Variants in SGCD observed in about 807,000 individuals in gnomAD.
SGCD encodes the protein sarcoglycan delta, also known as delta-sarcoglycan.
Under a neutral mutation model 36.6 loss-of-function variants are expected in SGCD, and 18 were observed. The observed-to-expected ratio is 0.49, with a 90% CI of 0.34 to 0.73. The LOEUF (loss-of-function observed/expected upper bound fraction) is 0.73. Ranked by LOEUF, SGCD falls within the 30% of genes least tolerant of loss-of-function variation. The pLI is 0.01. For synonymous variants in SGCD, 133 were observed against 130.6 expected, an observed-to-expected ratio of 1.02 and a Z score of -0.12; for missense variants, 387 against 346.7, an observed-to-expected ratio of 1.12 and a Z score of -0.92.
intron 4 of SGCD, among the ~76,000 whole-genome samples, chr5:156,580,424 G>T (rs962285571): frequency 2.6e-5 from 4 of 152,088 alleles, no homozygotes; most frequent in African/African-American, 9.7e-5. Flanking sequence ...TATCTTTGTG[G>T]TGTTCTCTGT....
intron 7 of SGCD, among the ~76,000 whole-genome samples, chr5:156,678,277 TAA>T (rs1315493443): frequency 6.6e-6 from 1 of 152,164 alleles, no homozygotes; most frequent in Non-Finnish European, 1.5e-5. Flanking sequence ...ATAATTGTAG[TAA>T]AGTTTGTTGA....
chr5:156,259,964 T>A (rs1001951786), intron 3 of SGCD, among the ~76,000 whole-genome samples: 4 of 152,236 alleles, frequency 2.6e-5, no homozygotes, highest in Admixed American at 6.5e-5. Flanking sequence ...TTCATTTTTT[T>A]ATAATTCATT....
intron 1 of SGCD, among the ~76,000 whole-genome samples, chr5:156,016,011 C>A (rs1758968828): frequency 6.6e-6 from 1 of 151,784 alleles, no homozygotes; most frequent in African/African-American, 2.4e-5. Flanking sequence ...AATACAATAA[C>A]CTGACCTTTA....
intron 7 of SGCD, among the ~76,000 whole-genome samples, chr5:156,689,207 A>G (rs554963872): frequency 2.0e-5 from 3 of 152,336 alleles, no homozygotes; most frequent in South Asian, 4.1e-4. Context: ...GGCAAAGGGT[A>G]TAGAGGAACT....
intron 3 of SGCD, among the ~76,000 whole-genome samples, chr5:156,303,989 G>A (rs1422056295): frequency 6.6e-6 from 1 of 151,976 alleles, no homozygotes; most frequent in African/African-American, 2.4e-5. Flanking sequence ...CTAGGTCATA[G>A]GCACCCCAAA....
At chr5:156,252,212 G>A (rs1394598197) in intron 3 of SGCD, among the ~76,000 whole-genome samples, 1 of 151,522 alleles carries the variant, frequency 6.6e-6, no homozygotes, top group African/African-American at 2.4e-5. Flanking sequence ...TCCCCTCCTG[G>A]GATTACAGGT....
In SGCD at chr5:156,185,405, G is replaced by A. The variant is rs558653241; in HGVS notation, c.-44+61386G>A. ...AATTTTTTGTATTTTTAGCAGAGACGGGGTTTCACCACGTTAGCCAGGATG... is the reference window on the plus strand; with the variant it reads ...AATTTTTTGTATTTTTAGCAGAGACAGGGTTTCACCACGTTAGCCAGGATG... On this transcript the variant is annotated intron_variant, in intron 3 of 9. Transcript: ENST00000517913. Among the ~76,000 whole-genome samples the A allele has an allele frequency of 2.1e-3, 317 of 151,772 alleles. 2 individuals are homozygous for A. The highest frequency in any genetic ancestry group is 0.01 in the Middle Eastern group (3 of 294).
At chr5:156,336,970 T>C (rs1457486071) in intron 2 of SGCD, among the ~76,000 whole-genome samples, 1 of 152,234 alleles carries the variant, frequency 6.6e-6, no homozygotes, top group Non-Finnish European at 1.5e-5. Flanking sequence ...TGCTTACTTT[T>C]CTGGATGAAT....
At chr5:156,395,568 T>A (rs1771802636) in intron 3 of SGCD, among the ~76,000 whole-genome samples, 1 of 152,232 alleles carries the variant, frequency 6.6e-6, no homozygotes, top group Non-Finnish European at 1.5e-5. Context: ...GACTCAGTTC[T>A]GTTTTATATA....
At chr5:155,881,324 A>AAATAAATAAATAAATAAATAAATG (rs1561636717) in intron 1 of SGCD, among the ~76,000 whole-genome samples, 4 of 151,202 alleles carry the variant, frequency 2.6e-5, no homozygotes, top group Non-Finnish European at 4.4e-5. Context: ...ATAAATAAAT[A>AAATAAATAAATAAATAAATAAATG]AAGAATATAG....
In SGCD at chr5:156,316,469, A is replaced by T. The variant is rs1767520194; in HGVS notation, c.-43-13065A>T. 2.6e-5 allele frequency among the ~76,000 whole-genome samples: 4 copies of T among 152,000 alleles called. No homozygotes were observed. In the South Asian group the frequency reaches 8.3e-4, roughly 32 times the overall value. ...AATAGGAAAACACAAAAATAATAGG[A>T]ATCACAAAAGACCTCAAATAACTAA... On this transcript the variant is annotated intron_variant, in intron 3 of 9. Coordinates refer to the SGCD transcript ENST00000517913.
intron 3 of SGCD, among the ~76,000 whole-genome samples, chr5:156,495,034 A>G (rs1756121504): frequency 6.6e-6 from 1 of 152,060 alleles, no homozygotes; most frequent in African/African-American, 2.4e-5. Flanking sequence ...GGAGGAGAGA[A>G]AGTCATGTCT....
At chr5:155,787,320 C>T in the SGCD span, among the ~76,000 whole-genome samples, 1 of 152,048 alleles carries the variant, frequency 6.6e-6, no homozygotes, top group Non-Finnish European at 1.5e-5. Context: ...GCCTCCAATC[C>T]GATAAAACTT....
intron 3 of SGCD, among the ~76,000 whole-genome samples, chr5:156,257,018 A>G (rs2127663436): frequency 6.6e-6 from 1 of 152,154 alleles, no homozygotes; most frequent in East Asian, 1.9e-4. Flanking sequence ...CATCTCCACA[A>G]ATAATTTAAA....
the SGCD span, among the ~76,000 whole-genome samples, chr5:155,787,754 AC>A: frequency 9.4e-3 from 1,432 of 152,216 alleles, 21 homozygotes; most frequent in African/African-American, 0.033. Flanking sequence ...GCACCGGAAC[AC>A]CCATCTACTG....
intron 3 of SGCD, among the ~76,000 whole-genome samples, chr5:156,383,852 T>C (rs755163181): frequency 7.2e-5 from 11 of 152,150 alleles, no homozygotes; most frequent in Non-Finnish European, 1.3e-4. Flanking sequence ...ATGTAGTAAT[T>C]TGCTTGTTTT....
the SGCD span, among the ~76,000 whole-genome samples, chr5:155,843,603 G>T: frequency 3.3e-5 from 5 of 152,344 alleles, no homozygotes; most frequent in African/African-American, 9.6e-5. Context: ...ATGCACAGGT[G>T]ATATGAGTTA....
intron 7 of SGCD, among the ~76,000 whole-genome samples, chr5:156,724,489 C>T (rs576919390): frequency 3.5e-4 from 53 of 152,178 alleles, no homozygotes; most frequent in Non-Finnish European, 6.8e-4. Context: ...CACCTGCAGT[C>T]CCAGCTACTC....
chr5:156,457,006 A>G (rs1332819229), intron 3 of SGCD, among the ~76,000 whole-genome samples: 1 of 152,200 alleles, frequency 6.6e-6, no homozygotes, highest in Non-Finnish European at 1.5e-5. Flanking sequence ...GCATTTGCCT[A>G]AGGAAATATT....
Sources: allele counts gnomAD v4.1 joint callset (sites outside exome capture counted in the v4.1 genomes callset), GRCh38; gene constraint gnomAD v4.1.1; transcripts MANE v1.5; gene names NCBI Gene and HGNC (gene_info 2026-07-23, HGNC 2026-07-21).